The following UBE2V2 variants were observed in gnomAD, a reference collection of about 807,000 sequenced individuals.
The protein encoded by UBE2V2 is ubiquitin-conjugating enzyme E2 variant 2.
In UBE2V2, 9 loss-of-function variants were observed where a neutral mutation model predicts 17.2. The ratio of observed to expected loss-of-function variants is 0.52; its 90% CI spans 0.32 to 0.91. The LOEUF (loss-of-function observed/expected upper bound fraction) is 0.91, where lower values mean the gene tolerates loss of function less well. Ranked by LOEUF, UBE2V2 falls within the 40% of genes least tolerant of loss-of-function variation. The pLI is 0.04. For synonymous variants in UBE2V2, 61 were observed against 57.5 expected (o/e 1.06, Z -0.28); for missense variants, 133 against 182.6 (o/e 0.73, Z 1.56).
the UBE2V2 span, among the ~76,000 whole-genome samples, chr8:47,999,520 C>A: frequency 6.6e-6 from 1 of 151,970 alleles, no homozygotes; most frequent in Non-Finnish European, 1.5e-5. Context: ...CCATGCCCAG[C>A]TAATTTTTTT....
At chr8:48,038,805 A>G (rs1415822702) in intron 1 of UBE2V2, among the ~76,000 whole-genome samples, 1 of 151,694 alleles carries the variant, frequency 6.6e-6, no homozygotes, top group Non-Finnish European at 1.5e-5. Flanking sequence ...TTGTATTTTT[A>G]GTAGAGACAG....
intron 1 of UBE2V2, chr8:48,035,060 A>T: frequency 1.0e-6 from 1 of 984,582 alleles, no homozygotes; most frequent in Non-Finnish European, 1.2e-6. Flanking sequence ...TCCTCTTACA[A>T]GGTGAGTGCC....
At chr8:48,042,541 T>G (rs2091470738) in intron 1 of UBE2V2, 1 of 152,094 alleles carries the variant, frequency 6.6e-6, no homozygotes, top group African/African-American at 2.4e-5. Flanking sequence ...TCTTTTTTTT[T>G]TTTTTTTGAG....
chr8:48,006,482 G>A (rs190040642), upstream of UBE2V2, among the ~76,000 whole-genome samples: 3 of 152,076 alleles, frequency 2.0e-5, no homozygotes, highest in Admixed American at 6.6e-5. Context: ...TTTTGCTTAC[G>A]ATTGCCTTGG....
intron 1 of UBE2V2, among the ~76,000 whole-genome samples, chr8:48,030,388 A>G (rs1237744734): frequency 6.6e-6 from 1 of 152,188 alleles, no homozygotes; most frequent in African/African-American, 2.4e-5. Context: ...TTTCTATGTC[A>G]GAGATTTAAT....
intron 3 of UBE2V2, among the ~76,000 whole-genome samples, chr8:48,054,929 C>G (rs186110160): frequency 6.0e-4 from 87 of 144,470 alleles, no homozygotes; most frequent in African/African-American, 2.0e-3. Flanking sequence ...TCCAATGTTT[C>G]TTTTTTTTTT....
At chr8:48,051,715 C>T (rs2091539845) in intron 3 of UBE2V2, among the ~76,000 whole-genome samples, 1 of 152,128 alleles carries the variant, frequency 6.6e-6, no homozygotes, top group Non-Finnish European at 1.5e-5. Context: ...CAGCCAGCTC[C>T]CTGCCCCTCA....
Position 48,038,986 on chromosome 8 carries a change from T to TG in UBE2V2, c.17-4045dup, listed in dbSNP as rs966682150. On this transcript the variant is annotated intron_variant, in intron 1 of 3. Transcript: ENST00000523111. The stretch of plus-strand genomic sequence containing the variant: ...CTCTGTCACCCAGGCTGAAGTGCAG[T>TG]GGCGTGATCCCAGCTCACCGCAACC... Among the ~76,000 whole-genome samples, 37 of 150,682 alleles carry TG rather than the reference T, an allele frequency of 2.5e-4. 1 individual carries two copies. Among genetic ancestry groups the TG allele is most frequent in the South Asian group, 1.5e-3 (7 of 4,698 alleles).
At position 48,012,054 on chromosome 8, in the gene UBE2V2, G is replaced by A. The variant is rs141421189; in HGVS notation, c.16+3584G>A. 2.6e-5 allele frequency among the ~76,000 whole-genome samples: 4 copies of A among 152,334 alleles called. No individual in the cohort carries two copies. The East Asian group carries it at 7.7e-4, about 29-fold the overall frequency. The stretch of plus-strand genomic sequence containing the variant: ...ACAAGTAAAAGGCTATACATAGGTG[G>A]TTACTAGTACAGGCAAGACTAGAAT... On this transcript the variant is annotated intron_variant, in intron 1 of 3. Coordinates refer to ENST00000523111, the MANE Select transcript of UBE2V2 (RefSeq NM_003350.3).
intron 1 of UBE2V2, among the ~76,000 whole-genome samples, chr8:48,011,851 C>T (rs187564636): frequency 1.2e-4 from 18 of 152,214 alleles, no homozygotes; most frequent in Admixed American, 9.8e-4. Context: ...ACAGGGTCTC[C>T]GTATGTTATC....
chr8:48,039,566 C>T (rs765161518), intron 1 of UBE2V2, among the ~76,000 whole-genome samples: 1 of 152,058 alleles, frequency 6.6e-6, no homozygotes, highest in Non-Finnish European at 1.5e-5. Flanking sequence ...TTTTGAATAA[C>T]GTTCTTGTCT....
chr8:48,047,784 G>T (rs968384802), intron 2 of UBE2V2, among the ~76,000 whole-genome samples: 1 of 152,058 alleles, frequency 6.6e-6, no homozygotes, highest in African/African-American at 2.4e-5. Flanking sequence ...CTGACCTCAG[G>T]CAGTCTGCCC....
At chr8:48,026,224 G>T (rs1486981627) in intron 1 of UBE2V2, among the ~76,000 whole-genome samples, 3 of 151,976 alleles carry the variant, frequency 2.0e-5, no homozygotes, top group Non-Finnish European at 2.9e-5. Context: ...TTGGACAACA[G>T]CTATGTAACC....
chr8:48,009,645 T>A (rs1384283592), intron 1 of UBE2V2, among the ~76,000 whole-genome samples: 1 of 152,236 alleles, frequency 6.6e-6, no homozygotes, highest in Non-Finnish European at 1.5e-5. Context: ...CATTGCATAA[T>A]AAAATGAATT....
intron 1 of UBE2V2, among the ~76,000 whole-genome samples, chr8:48,021,965 C>G (rs1158611772): frequency 6.6e-6 from 1 of 151,940 alleles, no homozygotes; most frequent in Non-Finnish European, 1.5e-5. Flanking sequence ...CAGGGGTGAG[C>G]CACCACGCCT....
intron 1 of UBE2V2, 86 bp from the exon 2 acceptor site, chr8:48,042,947 G>A: frequency 7.8e-7 from 1 of 1,288,930 alleles, no homozygotes; most frequent in East Asian, 2.6e-5. Flanking sequence ...ATTTATAAAG[G>A]TTAATTTGGA....
intron 2 of UBE2V2, among the ~76,000 whole-genome samples, chr8:48,048,615 G>A (rs913473356): frequency 2.6e-5 from 4 of 152,154 alleles, no homozygotes; most frequent in African/African-American, 9.7e-5. Context: ...ATTAATCTCA[G>A]ATGAGTTTTA....
At chr8:48,015,106 A>G (rs2091260342) in intron 1 of UBE2V2, among the ~76,000 whole-genome samples, 1 of 148,636 alleles carries the variant, frequency 6.7e-6, no homozygotes, top group Non-Finnish European at 1.5e-5. Flanking sequence ...GGCTGGGTGC[A>G]GTGGCTTCCA....
intron 1 of UBE2V2, among the ~76,000 whole-genome samples, chr8:48,031,221 CA>C (rs1378099467): frequency 1.4e-3 from 7 of 4,870 alleles, no homozygotes; most frequent in African/African-American, 3.1e-3. Context: ...AACAAACAAA[CA>C]AACCCCCCCC....
Sources: allele counts gnomAD v4.1 joint callset (sites outside exome capture counted in the v4.1 genomes callset), GRCh38; gene constraint gnomAD v4.1.1; transcripts MANE v1.5; gene names NCBI Gene and HGNC (gene_info 2026-07-23, HGNC 2026-07-21).